SLC5A5: variants seen among roughly 807,000 people sequenced by gnomAD.
SLC5A5 encodes the protein solute carrier family 5 member 5.
In SLC5A5, 56 loss-of-function variants were observed where a neutral mutation model predicts 68.6. That is an observed-to-expected ratio of 0.82 (90% confidence interval 0.66 to 1.02). The LOEUF (loss-of-function observed/expected upper bound fraction) is 1.02. SLC5A5 is among the 50% of genes least tolerant of loss of function. The pLI, the probability that SLC5A5 is intolerant of heterozygous loss-of-function variation, is 0.00. For missense variants in SLC5A5, 807 were observed against 859.8 expected (o/e 0.94, Z 0.77); for synonymous variants, 398 against 373.0 (o/e 1.07, Z -0.77).
In SLC5A5 at chr19:17,874,490, A is replaced by T; in HGVS notation, c.424-4A>T. The stretch of plus-strand genomic sequence containing the variant: ...TGCTCACCCGCCCCACACTCTGTCT[A>T]CAGATGCTGTACACCGGCATCGTAA... On this transcript the variant is annotated splice_polypyrimidine_tract_variant and splice_region_variant and intron_variant, in intron 2 of 14. Coordinates refer to ENST00000222248, the MANE Select transcript of SLC5A5 (RefSeq NM_000453.3). The T allele has an allele frequency of 6.2e-7, 1 of 1,613,660 alleles. No homozygotes were observed. Among genetic ancestry groups the T allele is most frequent in the East Asian group, 2.2e-5 (1 of 44,864 alleles).
intron 7 of SLC5A5, 52 bp from the exon 8 acceptor site, chr19:17,880,813 C>T (rs1219518557): frequency 2.2e-6 from 3 of 1,362,796 alleles, no homozygotes; most frequent in Non-Finnish European, 3.1e-6. Flanking sequence ...AGATAGATGC[C>T]CCGGTCCTCG....
At chr19:17,890,286 G>A (rs1205396351) in intron 13 of SLC5A5, among the ~76,000 whole-genome samples, 1 of 152,152 alleles carries the variant, frequency 6.6e-6, no homozygotes, top group Non-Finnish European at 1.5e-5. Flanking sequence ...GGCCAGACTA[G>A]TCTCGAACTC....
In SLC5A5 at chr19:17,877,875, G is replaced by A. The variant is rs773070939; in HGVS notation, c.839+12G>A. 8.7e-6 allele frequency: 14 copies of A among 1,614,092 alleles called. No individual in the cohort carries two copies. Among genetic ancestry groups the A allele is most frequent in the Admixed American group, 6.7e-5 (4 of 60,006 alleles). ...AAGCAGGCCAAGCTGTGAGTGTTTCGGGGAGCAAGGTCGGGGTTTCTGGGA... is the reference window on the plus strand; with the variant it reads ...AAGCAGGCCAAGCTGTGAGTGTTTCAGGGAGCAAGGTCGGGGTTTCTGGGA... On this transcript the variant is annotated intron_variant, in intron 6 of 14. Coordinates refer to ENST00000222248, the MANE Select transcript of SLC5A5 (RefSeq NM_000453.3).
At chr19:17,874,460 C>T (rs780340502) in intron 2 of SLC5A5, 34 bp from the exon 3 acceptor site, 2 of 1,611,506 alleles carry the variant, frequency 1.2e-6, no homozygotes, top group Non-Finnish European at 1.7e-6. Flanking sequence ...CCCAGACGCC[C>T]TCCCTGCTCA....
At chr19:17,881,916 C>T in intron 8 of SLC5A5, 44 bp from the exon 9 acceptor site, 2 of 1,465,360 alleles carry the variant, frequency 1.4e-6, no homozygotes, top group Non-Finnish European at 9.5e-7. Flanking sequence ...TGTGGACGGT[C>T]TCTCCATATG....
At chr19:17,893,668 G>A in intron 14 of SLC5A5, 45 bp from the exon 15 acceptor site, 4 of 1,597,290 alleles carry the variant, frequency 2.5e-6, no homozygotes, top group Non-Finnish European at 3.4e-6. Flanking sequence ...GAACAGGGTG[G>A]GGACAGGGTC....
chr19:17,876,865 C>CA (rs2094308658), intron 5 of SLC5A5, among the ~76,000 whole-genome samples: 1 of 149,054 alleles, frequency 6.7e-6, no homozygotes, highest in Non-Finnish European at 1.5e-5. Context: ...CGTCCCCCCC[C>CA]TAAAAAAAAA....
In SLC5A5 at chr19:17,872,114, G is replaced by A. The variant is rs2094295434; in HGVS notation, c.-206G>A. On this transcript the variant is annotated 5_prime_UTR_variant, in exon 1 of 15. Transcript: ENST00000222248. ...AGAGACAGACAGCGGGGACAGGGAG[G>A]CCGACACGGACATCGACAGCCCATA... 1 of 579,348 alleles carries A rather than the reference G, an allele frequency of 1.7e-6. No individual in the cohort carries two copies. The allele number at this position is 579,348 out of a possible 1,614,324, so 35.9% of individuals were successfully genotyped here. A position where few individuals can be genotyped will look rare whatever the true frequency, so the allele number is the denominator to read the frequency against.
chr19:17,894,153 T>TC lies in SLC5A5; in HGVS notation c.*276_*277insC, dbSNP rs1555755517. The TC allele has an allele frequency of 6.5e-4, 260 of 401,188 alleles. No individual in the cohort carries two copies. The highest frequency in any genetic ancestry group is 8.3e-4 in the Non-Finnish European group (182 of 219,030). 24.9% of individuals were successfully genotyped at this position (401,188 alleles called of 1,614,324 possible). On this transcript the variant is annotated 3_prime_UTR_variant, in exon 15 of 15. Transcript: ENST00000222248. Reference sequence around the variant, plus strand: ...GGTTTTTCTCTCTCTCTTTTTTTTTTTTTTTTTTTTTTGAGACAGGGTCAT... The same window carrying TC: ...GGTTTTTCTCTCTCTCTTTTTTTTTTCTTTTTTTTTTTTGAGACAGGGTCAT...
intron 14 of SLC5A5, among the ~76,000 whole-genome samples, chr19:17,892,962 T>TTTTC (rs1478391540): frequency 6.6e-6 from 1 of 151,964 alleles, no homozygotes; most frequent in African/African-American, 2.4e-5. Context: ...AGTGTTTATC[T>TTTTC]TTTCTTTCTT....
rs1555755515 is a variant in SLC5A5 at position 17,894,150 on chromosome 19, T to TATTC, written c.*273_*274insATTC. 3.1e-5 allele frequency: 11 copies of TATTC among 359,134 alleles called. No homozygotes were observed. Among genetic ancestry groups the TATTC allele is most frequent in the Non-Finnish European group, 3.6e-5 (7 of 192,444 alleles). 22.2% of individuals were successfully genotyped at this position (359,134 alleles called of 1,614,324 possible). A position where few individuals can be genotyped will look rare whatever the true frequency, so the allele number is the denominator to read the frequency against. On this transcript the variant is annotated 3_prime_UTR_variant, in exon 15 of 15. Coordinates refer to ENST00000222248, the MANE Select transcript of SLC5A5 (RefSeq NM_000453.3). Reference sequence around the variant, plus strand: ...CTGGGTTTTTCTCTCTCTCTTTTTTTTTTTTTTTTTTTTTTGAGACAGGGT... The same window carrying TATTC: ...CTGGGTTTTTCTCTCTCTCTTTTTTTATTCTTTTTTTTTTTTTTTGAGACAGGGT...
chr19:17,878,148 G>T, intron 7 of SLC5A5, 55 bp downstream of exon 7: 1 of 1,585,072 alleles, frequency 6.3e-7, no homozygotes. Context: ...AGCTTGGTGG[G>T]ATTGAGGTCG....
chr19:17,872,615 T>C lies in SLC5A5; in HGVS notation c.296T>C (p.Val99Ala), dbSNP rs1055928965. The change falls in exon 1 of 15, where the codon GTC becomes GCC. Residue 99 changes from valine to alanine, a missense_variant. By Grantham distance (64) the Val-to-Ala change is moderately conservative (BLOSUM62 0). Coordinates refer to ENST00000222248, the MANE Select transcript of SLC5A5 (RefSeq NM_000453.3). ...TGCCTGGGCCAGCTTCTGAACTCGG[T>C]CCTCACCGCCCTGCTCTTCATGCCC... The part of the protein sequence containing the change: ...WMCLGQLLNS[V>A]LTALLFMPVF... 39 of 1,612,156 alleles carry C rather than the reference T, an allele frequency of 2.4e-5. No individual in the cohort carries two copies. The highest frequency in any genetic ancestry group is 3.0e-5 in the Non-Finnish European group (35 of 1,179,834).
At chr19:17,882,329 C>A in intron 10 of SLC5A5, 110 bp downstream of exon 10, 1 of 841,380 alleles carries the variant, frequency 1.2e-6, no homozygotes, top group Non-Finnish European at 1.9e-6. Context: ...TGGCAGAACT[C>A]ACTTCTATGT....
chr19:17,892,724 G>A (rs1258552167), intron 14 of SLC5A5, among the ~76,000 whole-genome samples: 1 of 146,666 alleles, frequency 6.8e-6, no homozygotes, highest in Non-Finnish European at 1.5e-5. Context: ...AACGTGTAGG[G>A]TCTCAGCATG....
At chr19:17,874,300 C>A in intron 2 of SLC5A5, 97 bp downstream of exon 2, 1 of 814,640 alleles carries the variant, frequency 1.2e-6, no homozygotes, top group African/African-American at 1.7e-5. Flanking sequence ...CAGACCCCGC[C>A]CCCCATGCTC....
At chr19:17,879,976 T>C (rs1296706659) in intron 7 of SLC5A5, among the ~76,000 whole-genome samples, 1 of 151,958 alleles carries the variant, frequency 6.6e-6, no homozygotes, top group Non-Finnish European at 1.5e-5. Flanking sequence ...CTCAGCTCAC[T>C]GCAACCTCTG....
At chr19:17,876,208 T>C in intron 5 of SLC5A5, 102 bp downstream of exon 5, 1 of 1,217,994 alleles carries the variant, frequency 8.2e-7, no homozygotes, top group Non-Finnish European at 1.2e-6. Flanking sequence ...GGCGGGCAGA[T>C]CACTTGAGCT....
chr19:17,881,379 G>A (rs1049313078), intron 8 of SLC5A5, among the ~76,000 whole-genome samples: 1 of 151,954 alleles, frequency 6.6e-6, no homozygotes, highest in Non-Finnish European at 1.5e-5. Flanking sequence ...CAATTCTCCT[G>A]CCTCAGCCTC....
Sources: gnomAD v4.1 joint callset for allele counts (sites outside exome capture counted in the v4.1 genomes callset) on GRCh38, gnomAD v4.1.1 for gene constraint, MANE v1.5 for transcripts, NCBI Gene and HGNC (gene_info 2026-07-23, HGNC 2026-07-21) for gene names.